The following ANO4 variants were observed in gnomAD, a reference collection of about 807,000 sequenced individuals.
ANO4 encodes the protein anoctamin 4, also known as anoctamin-4.
In ANO4, 69 loss-of-function variants were observed where a neutral mutation model predicts 141.9. The ratio of observed to expected loss-of-function variants is 0.49; its 90% CI spans 0.40 to 0.59. The LOEUF (loss-of-function observed/expected upper bound fraction) is 0.59, where lower values mean the gene tolerates loss of function less well. Ranked by LOEUF, ANO4 falls within the 20% of genes least tolerant of loss-of-function variation. The pLI is 0.00. For synonymous variants in ANO4, 350 were observed against 394.3 expected, an observed-to-expected ratio of 0.89 and a Z score of 1.33; for missense variants, 894 against 1,162.2, an observed-to-expected ratio of 0.77 and a Z score of 3.36.
At chr12:100,848,650 A>G (rs1286949648) in intron 1 of ANO4, among the ~76,000 whole-genome samples, 1 of 152,148 alleles carries the variant, frequency 6.6e-6, no homozygotes, top group Non-Finnish European at 1.5e-5. Flanking sequence ...CTCCTGGTCC[A>G]TTGCTCCAGC....
intron 4 of ANO4, among the ~76,000 whole-genome samples, chr12:100,940,376 G>A (rs1280853155): frequency 6.6e-6 from 1 of 152,088 alleles, no homozygotes; most frequent in Admixed American, 6.6e-5. Context: ...AAATATTAGG[G>A]CTTTGCCAAA....
chr12:100,829,509 G>C (rs1054728977), intron 1 of ANO4, among the ~76,000 whole-genome samples: 6 of 152,134 alleles, frequency 3.9e-5, no homozygotes, highest in South Asian at 2.1e-4. Flanking sequence ...ATTTGAACTG[G>C]ACTTTTTCCT....
intron 2 of ANO4, among the ~76,000 whole-genome samples, chr12:100,918,010 CAT>C (rs2041428828): frequency 6.6e-6 from 1 of 152,172 alleles, no homozygotes; most frequent in African/African-American, 2.4e-5. Context: ...TGAATTTTTA[CAT>C]GTCTTTAAAG....
At chr12:100,736,360 T>C (rs1161445022) in intron 2 of ANO4, among the ~76,000 whole-genome samples, 1 of 152,194 alleles carries the variant, frequency 6.6e-6, no homozygotes, top group Non-Finnish European at 1.5e-5. Flanking sequence ...AAAAAGATCC[T>C]GAGGTAAACA....
intron 1 of ANO4, among the ~76,000 whole-genome samples, chr12:100,895,235 G>A (rs531177254): frequency 6.6e-6 from 1 of 152,018 alleles, no homozygotes; most frequent in South Asian, 2.1e-4. Context: ...GTTTTGAAAA[G>A]TAATTTACCT....
At chr12:100,724,258 CCAGA>C (rs1398099420) in intron 1 of ANO4, among the ~76,000 whole-genome samples, 3 of 152,144 alleles carry the variant, frequency 2.0e-5, no homozygotes, top group Non-Finnish European at 4.4e-5. Flanking sequence ...ATAATGAGCA[CCAGA>C]CACAGTATTT....
chr12:101,090,993 T>G (rs2049747273), intron 17 of ANO4, among the ~76,000 whole-genome samples: 1 of 152,194 alleles, frequency 6.6e-6, no homozygotes. Flanking sequence ...ACCTGCTATA[T>G]GCTGGGAGCT....
At chr12:101,115,844 A>G (rs947839742) in intron 24 of ANO4, among the ~76,000 whole-genome samples, 1 of 152,158 alleles carries the variant, frequency 6.6e-6, no homozygotes, top group Admixed American at 6.6e-5. Flanking sequence ...GTTTCCTCCA[A>G]TCAGATCGAT....
intron 7 of ANO4, among the ~76,000 whole-genome samples, chr12:100,983,848 T>C (rs1349864847): frequency 1.3e-5 from 2 of 152,214 alleles, no homozygotes; most frequent in Admixed American, 6.5e-5. Context: ...CCTTTTGCCA[T>C]GTAACATAAC....
chr12:100,986,986 A>G (rs886174697), intron 7 of ANO4: 3 of 154,578 alleles, frequency 1.9e-5, no homozygotes, highest in African/African-American at 2.4e-5. Flanking sequence ...AAAGAGATCA[A>G]TGAAAGCCAA....
rs141318654 is a variant in ANO4, at chr12:100,923,751, C to A, written c.160+1421C>A. On this transcript the variant is annotated intron_variant, in intron 3 of 27. Coordinates refer to ENST00000392977, the MANE Select transcript of ANO4 (RefSeq NM_001286615.2). Reference sequence around the variant, plus strand: ...TTGTTGAACTAATTTACACTCCCACCAACAGTGTAAAAGCATTCCTATTTC... The same window carrying A: ...TTGTTGAACTAATTTACACTCCCACAAACAGTGTAAAAGCATTCCTATTTC... Among the ~76,000 whole-genome samples the A allele has an allele frequency of 8.9e-3, 1,362 of 152,232 alleles. 28 individuals are homozygous for A. The highest frequency in any genetic ancestry group is 0.031 in the African/African-American group (1,298 of 41,534).
chr12:100,755,715 C>T (rs570792456), intron 3 of ANO4, among the ~76,000 whole-genome samples: 78 of 151,614 alleles, frequency 5.1e-4, no homozygotes, highest in African/African-American at 1.9e-3. Context: ...TCCTAGTTTG[C>T]TTGCACCTGC....
intron 1 of ANO4, among the ~76,000 whole-genome samples, chr12:100,815,699 G>C (rs1377774661): frequency 6.6e-6 from 1 of 151,786 alleles, no homozygotes; most frequent in Non-Finnish European, 1.5e-5. Flanking sequence ...TATTATTTTA[G>C]ATACTATTGT....
chr12:100,807,789 A>G (rs2035151867), intron 1 of ANO4, among the ~76,000 whole-genome samples: 1 of 152,102 alleles, frequency 6.6e-6, no homozygotes, highest in Non-Finnish European at 1.5e-5. Context: ...CCCACTTATA[A>G]GTGAGAACAC....
chr12:100,853,618 G>A (rs1034371178), intron 1 of ANO4, among the ~76,000 whole-genome samples: 1 of 61,212 alleles, frequency 1.6e-5, no homozygotes, highest in Admixed American at 2.2e-4. Flanking sequence ...AATTTAGCAG[G>A]TTCTTCCCCA....
intron 3 of ANO4, among the ~76,000 whole-genome samples, chr12:100,778,008 C>T (rs2033586566): frequency 6.6e-6 from 1 of 151,636 alleles, no homozygotes; most frequent in Admixed American, 6.6e-5. Flanking sequence ...CAAGCTCCGC[C>T]TCCCGGGTTC....
At chr12:100,765,363 T>C (rs2033029520) in intron 3 of ANO4, among the ~76,000 whole-genome samples, 1 of 148,176 alleles carries the variant, frequency 6.7e-6, no homozygotes, top group East Asian at 1.9e-4. Context: ...CAGTTCTGTT[T>C]ATATTTTCTT....
At position 101,099,562 on chromosome 12, in the gene ANO4, T is replaced by A. The variant is rs746786940; in HGVS notation, c.2007-16T>A. The A allele has an allele frequency of 2.5e-6, 4 of 1,580,008 alleles. No individual in the cohort carries two copies. Among genetic ancestry groups the A allele is most frequent in the Non-Finnish European group, 3.4e-6 (4 of 1,169,488 alleles). On this transcript the variant is annotated splice_polypyrimidine_tract_variant and intron_variant, in intron 21 of 27. Coordinates refer to ENST00000392977, the MANE Select transcript of ANO4 (RefSeq NM_001286615.2). Reference sequence around the variant, plus strand: ...ATCAGTTACATTTTTTGTAAGAAATTGATCTTTTTGCCCAGGTTAATTCAG... The same window carrying A: ...ATCAGTTACATTTTTTGTAAGAAATAGATCTTTTTGCCCAGGTTAATTCAG...
chr12:100,717,427 A>G, upstream of ANO4: 1 of 388,192 alleles, frequency 2.6e-6, no homozygotes, highest in Non-Finnish European at 4.6e-6. Flanking sequence ...CGCTAGAGCC[A>G]AGCGCATGCA....
Sources: allele counts gnomAD v4.1 joint callset (sites outside exome capture counted in the v4.1 genomes callset), GRCh38; gene constraint gnomAD v4.1.1; transcripts MANE v1.5; gene names NCBI Gene and HGNC (gene_info 2026-07-23, HGNC 2026-07-21).